The following WWOX variants were observed in gnomAD, a reference collection of about 807,000 sequenced individuals.
The protein encoded by WWOX is WW domain containing oxidoreductase, also known as WW domain-containing oxidoreductase.
A neutral mutation model predicts 46.2 loss-of-function variants in WWOX; 69 were observed. That is an observed-to-expected ratio of 1.49 (90% CI 1.23 to 1.82). The LOEUF (loss-of-function observed/expected upper bound fraction) is 1.82. WWOX is among the 40% of genes most tolerant of loss of function. WWOX has a pLI of 0.00. For synonymous variants in WWOX, 359 were observed against 202.6 expected (o/e 1.77, Z -6.56); for missense variants, 919 against 542.6 (o/e 1.69, Z -6.89).
At chr16:78,375,051 TA>T (rs1455685907) in intron 5 of WWOX, among the ~76,000 whole-genome samples, 1 of 152,230 alleles carries the variant, frequency 6.6e-6, no homozygotes, top group African/African-American at 2.4e-5. Context: ...GATACCATTT[TA>T]AGCAGGAAAC....
At chr16:78,539,872 A>G (rs1555558552) in intron 8 of WWOX, among the ~76,000 whole-genome samples, 1 of 152,060 alleles carries the variant, frequency 6.6e-6, no homozygotes, top group Non-Finnish European at 1.5e-5. Flanking sequence ...TGGGAAATTT[A>G]CTCTCTCTTC....
At chr16:78,935,204 C>G (rs1484237608) in intron 8 of WWOX, among the ~76,000 whole-genome samples, 1 of 152,152 alleles carries the variant, frequency 6.6e-6, no homozygotes, top group Non-Finnish European at 1.5e-5. Flanking sequence ...GGCGATTCCT[C>G]AAGGATCTAG....
At chr16:78,469,598 A>G (rs1189776606) in intron 8 of WWOX, among the ~76,000 whole-genome samples, 1 of 152,154 alleles carries the variant, frequency 6.6e-6, no homozygotes, top group Non-Finnish European at 1.5e-5. Context: ...AAGAGATGTT[A>G]AAAAAACAAA....
intron 5 of WWOX, among the ~76,000 whole-genome samples, chr16:78,216,965 T>G (rs946153955): frequency 2.6e-5 from 4 of 152,176 alleles, no homozygotes; most frequent in African/African-American, 9.7e-5. Context: ...TCAAGTGATC[T>G]GCCTGCCTTG....
intron 5 of WWOX, among the ~76,000 whole-genome samples, chr16:78,355,285 G>A (rs571533571): frequency 3.3e-5 from 5 of 152,044 alleles, no homozygotes; most frequent in East Asian, 1.9e-4. Context: ...ATACATATAC[G>A]TATATGTATG....
intron 8 of WWOX, among the ~76,000 whole-genome samples, chr16:78,447,364 A>G (rs2083586114): frequency 6.6e-6 from 1 of 152,248 alleles, no homozygotes; most frequent in African/African-American, 2.4e-5. Context: ...TTGCATCATC[A>G]TGTAGAATTT....
intron 6 of WWOX, among the ~76,000 whole-genome samples, chr16:78,407,049 C>G (rs567616495): frequency 2.0e-5 from 3 of 152,194 alleles, no homozygotes; most frequent in African/African-American, 4.8e-5. Context: ...TTTGACCTTA[C>G]CTGGACTGAG....
At chr16:78,644,807 T>C (rs999278660) in intron 8 of WWOX, among the ~76,000 whole-genome samples, 1 of 152,162 alleles carries the variant, frequency 6.6e-6, no homozygotes, top group African/African-American at 2.4e-5. Flanking sequence ...TCGTGACTAT[T>C]ATGAGTCAGG....
intron 8 of WWOX, among the ~76,000 whole-genome samples, chr16:79,125,223 C>G (rs562356632): frequency 6.6e-6 from 1 of 152,140 alleles, no homozygotes; most frequent in Non-Finnish European, 1.5e-5. Context: ...CAGCTGTAGT[C>G]TGCCAGGCCA....
chr16:78,659,331 G>A (rs976680132), intron 8 of WWOX, among the ~76,000 whole-genome samples: 1 of 151,824 alleles, frequency 6.6e-6, no homozygotes, highest in South Asian at 2.1e-4. Context: ...CCTAACCATC[G>A]CGCCTGGGGT....
At chr16:78,754,793 A>G (rs1301733381) in intron 8 of WWOX, among the ~76,000 whole-genome samples, 1 of 152,116 alleles carries the variant, frequency 6.6e-6, no homozygotes, top group Non-Finnish European at 1.5e-5. Flanking sequence ...GATGACCTCT[A>G]AGGCCTCTAC....
chr16:78,968,922 A>T (rs1335450398), intron 8 of WWOX, among the ~76,000 whole-genome samples: 2 of 151,438 alleles, frequency 1.3e-5, no homozygotes, highest in Non-Finnish European at 2.9e-5. Context: ...TCTTAAAGAA[A>T]AAAAAAAAAG....
intron 8 of WWOX, among the ~76,000 whole-genome samples, chr16:78,858,264 T>G (rs1385446955): frequency 6.6e-6 from 1 of 150,450 alleles, no homozygotes; most frequent in African/African-American, 2.5e-5. Context: ...TAGTGGCGAT[T>G]TATCAGATTT....
chr16:79,208,425 G>A (rs1323976163), intron 8 of WWOX, among the ~76,000 whole-genome samples: 2 of 151,966 alleles, frequency 1.3e-5, no homozygotes, highest in Non-Finnish European at 2.9e-5. Context: ...TCCAGCCAGT[G>A]TTTGTATGTC....
intron 8 of WWOX, among the ~76,000 whole-genome samples, chr16:78,812,188 T>A (rs1456052984): frequency 6.6e-6 from 1 of 151,990 alleles, no homozygotes; most frequent in East Asian, 1.9e-4. Context: ...CTTGGCACTG[T>A]ATCTGCCAAT....
chr16:78,939,286 GGCTGCTACCTGGAT>G, intron 8 of WWOX, among the ~76,000 whole-genome samples: 1 of 152,336 alleles, frequency 6.6e-6, no homozygotes, highest in South Asian at 2.1e-4. Flanking sequence ...GGTCTAGAGA[GGCTGCTACCTGGAT>G]GGTGTGTTTG....
intron 4 of WWOX, among the ~76,000 whole-genome samples, chr16:78,163,675 T>G (rs2034873483): frequency 6.6e-6 from 1 of 152,214 alleles, no homozygotes; most frequent in African/African-American, 2.4e-5. Flanking sequence ...CTTTTCTAAT[T>G]GTTCTCAGTA....
chr16:78,214,014 C>T (rs2036640521), intron 5 of WWOX, among the ~76,000 whole-genome samples: 1 of 152,122 alleles, frequency 6.6e-6, no homozygotes. Context: ...ACCTGTGTTC[C>T]AGAGTCTGCG....
At chr16:78,567,787 C>G (rs1597279938) in intron 8 of WWOX, among the ~76,000 whole-genome samples, 1 of 151,858 alleles carries the variant, frequency 6.6e-6, no homozygotes, top group South Asian at 2.1e-4. Flanking sequence ...ACTGGGCCAC[C>G]AAACCAGCAG....
Sources: gnomAD v4.1 joint callset for allele counts (sites outside exome capture counted in the v4.1 genomes callset) on GRCh38, gnomAD v4.1.1 for gene constraint, MANE v1.5 for transcripts, NCBI Gene and HGNC (gene_info 2026-07-23, HGNC 2026-07-21) for gene names.